GALNT11: variants seen among roughly 807,000 people sequenced by gnomAD.
GALNT11 encodes the protein UDP-GalNAc:polypeptide N-acetylgalactosaminyltransferase 11.
Under a neutral mutation model 72.7 loss-of-function variants are expected in GALNT11, and 47 were observed. The ratio of observed to expected loss-of-function variants is 0.65; its 90% CI spans 0.51 to 0.82. The LOEUF (loss-of-function observed/expected upper bound fraction) is 0.82, where lower values mean the gene tolerates loss of function less well. GALNT11 is among the 40% of genes least tolerant of loss of function. The probability of loss-of-function intolerance (pLI) is 0.00; values close to 1 mark genes in which losing one functional copy is unlikely to be tolerated. For synonymous variants in GALNT11, 270 were observed against 286.6 expected (o/e 0.94, Z 0.58); for missense variants, 677 against 778.4 (o/e 0.87, Z 1.55).
chr7:152,121,861 CTGAGTGTCCACGGGTGAAGAAG>C lies in GALNT11; in HGVS notation c.*212_*233del, dbSNP rs539239818. The C allele has an allele frequency of 1.4e-3, 884 of 637,234 alleles. 1 individual carries two copies. The highest frequency in any genetic ancestry group is 3.9e-3 in the African/African-American group (210 of 54,390). 39.5% of individuals were successfully genotyped at this position (637,234 alleles called of 1,614,324 possible). ...CACGTGTCTGACAGAGACGGGAGCT[CTGAGTGTCCACGGGTGAAGAAG>C]TGAGTGTCCACGGGTGAAGAAGTGA... On this transcript the variant is annotated 3_prime_UTR_variant, in exon 12 of 12. Coordinates refer to ENST00000430044, the MANE Select transcript of GALNT11 (RefSeq NM_022087.4).
intron 9 of GALNT11, 42 bp downstream of exon 9, chr7:152,117,417 T>C (rs2088974570): frequency 6.2e-7 from 1 of 1,600,060 alleles, no homozygotes; most frequent in African/African-American, 1.3e-5. Flanking sequence ...GAAAAGCGTT[T>C]GATATGAAAA....
At chr7:152,121,495 C>T in intron 11 of GALNT11, 51 bp from the exon 12 acceptor site, 1 of 1,579,846 alleles carries the variant, frequency 6.3e-7, no homozygotes, top group Non-Finnish European at 8.6e-7. Flanking sequence ...TCTGGATTTC[C>T]ATGTTTTGCC....
chr7:152,105,662 T>C (rs1587401145), intron 5 of GALNT11, among the ~76,000 whole-genome samples: 2 of 152,228 alleles, frequency 1.3e-5, no homozygotes, highest in South Asian at 4.1e-4. Context: ...TATTCACTTA[T>C]ATAAGCAGAA....
chr7:152,058,827 A>G (rs747366384), intron 1 of GALNT11, among the ~76,000 whole-genome samples: 20 of 152,146 alleles, frequency 1.3e-4, no homozygotes, highest in Admixed American at 2.6e-4. Flanking sequence ...TATCGTTTCA[A>G]CAGTGTTCAC....
intron 1 of GALNT11, among the ~76,000 whole-genome samples, chr7:152,035,890 G>A (rs1362235636): frequency 6.6e-6 from 1 of 152,174 alleles, no homozygotes; most frequent in African/African-American, 2.4e-5. Context: ...AGCAGGAATT[G>A]TCCCAGTCTG....
chr7:152,073,956 T>C (rs1178741601), intron 1 of GALNT11, among the ~76,000 whole-genome samples: 1 of 150,670 alleles, frequency 6.6e-6, no homozygotes, highest in Non-Finnish European at 1.5e-5. Context: ...TTTTGAGAGA[T>C]GGCTATTCAG....
chr7:152,057,137 T>C (rs941944288), intron 1 of GALNT11, among the ~76,000 whole-genome samples: 3 of 151,358 alleles, frequency 2.0e-5, no homozygotes, highest in Non-Finnish European at 2.9e-5. Context: ...ATTACAGGCA[T>C]GAGCCACTGC....
rs745821568 is a variant in GALNT11, at chr7:152,108,191, T to TCGTCCGCGG, written c.867_875dup (p.Val290_Gly292dup). ...ACGCTGGCCTACAGCTCGTCCCCTG[T>TCGTCCGCGG]CGTCCGCGGAGGGTTCAACTGGGGA... On this transcript the variant is annotated inframe_insertion, in exon 6 of 12. Transcript: ENST00000430044. 6.2e-7 allele frequency: 1 copy of TCGTCCGCGG among 1,614,142 alleles called. No homozygotes were observed. The highest frequency in any genetic ancestry group is 1.3e-5 in the African/African-American group (1 of 75,034).
At chr7:152,041,248 A>T (rs1019718665) in intron 1 of GALNT11, among the ~76,000 whole-genome samples, 3 of 152,326 alleles carry the variant, frequency 2.0e-5, no homozygotes, top group African/African-American at 2.4e-5. Context: ...ACTTTTTATT[A>T]TCGGGTCTCT....
rs1006721745 is a variant in GALNT11, at chr7:152,068,816, AT to A, written c.-38-25367del. Among the ~76,000 whole-genome samples the A allele has an allele frequency of 5.3e-5, 8 of 150,876 alleles. No individual in the cohort carries two copies. The South Asian group carries it at 1.1e-3, about 20-fold the overall frequency. ...TGATTTCTATTTTAATTTTTATTGT[AT>A]TTTTTTCTTTTGATTGCCTTAGGCT... On this transcript the variant is annotated intron_variant, in intron 1 of 11. Transcript: ENST00000430044.
At chr7:152,099,535 T>G (rs1285643706) in intron 2 of GALNT11, among the ~76,000 whole-genome samples, 3 of 126,332 alleles carry the variant, frequency 2.4e-5, no homozygotes, top group African/African-American at 6.5e-5. Context: ...GCCTAGTTTT[T>G]TTTTTTTTTT....
At chr7:152,108,492 C>A (rs2087827718) in intron 6 of GALNT11, among the ~76,000 whole-genome samples, 1 of 152,158 alleles carries the variant, frequency 6.6e-6, no homozygotes, top group African/African-American at 2.4e-5. Flanking sequence ...GTATGTGTGC[C>A]CTCAAGGACT....
intron 1 of GALNT11, chr7:152,027,676 C>T (rs1325405820): frequency 2.0e-5 from 3 of 153,766 alleles, no homozygotes; most frequent in South Asian, 2.0e-4. Context: ...CCAGTGGATT[C>T]TTGGTCTCGC....
intron 5 of GALNT11, chr7:152,107,623 T>G (rs892374357): frequency 7.9e-5 from 13 of 165,282 alleles, no homozygotes; most frequent in Admixed American, 3.9e-4. Context: ...CTTCAAAATA[T>G]TTTGATTAAA....
At chr7:152,030,083 C>T (rs2082233248) in intron 1 of GALNT11, among the ~76,000 whole-genome samples, 1 of 152,134 alleles carries the variant, frequency 6.6e-6, no homozygotes, top group South Asian at 2.1e-4. Flanking sequence ...TGGGTTTTTT[C>T]CCCGTGTGCG....
chr7:152,039,538 G>A (rs1223263247), intron 1 of GALNT11, among the ~76,000 whole-genome samples: 1 of 152,092 alleles, frequency 6.6e-6, no homozygotes, highest in East Asian at 1.9e-4. Flanking sequence ...CTTTCCTCAG[G>A]TTTTCTTCCG....
chr7:152,034,529 C>T (rs1326243107), intron 1 of GALNT11, among the ~76,000 whole-genome samples: 2 of 152,170 alleles, frequency 1.3e-5, no homozygotes, highest in Admixed American at 6.5e-5. Context: ...GCTTAGGATG[C>T]ATTTCAAGGG....
At chr7:152,097,839 A>G (rs1014416962) in intron 2 of GALNT11, among the ~76,000 whole-genome samples, 2 of 152,178 alleles carry the variant, frequency 1.3e-5, no homozygotes, top group Non-Finnish European at 2.9e-5. Flanking sequence ...GTTCCCAGGG[A>G]CTGGGGAATG....
intron 1 of GALNT11, among the ~76,000 whole-genome samples, chr7:152,084,562 A>T (rs2085525375): frequency 6.6e-6 from 1 of 152,106 alleles, no homozygotes; most frequent in South Asian, 2.1e-4. Context: ...TTTCATAATG[A>T]AACCGTCTAA....
Sources: gnomAD v4.1 joint callset for allele counts (sites outside exome capture counted in the v4.1 genomes callset) on GRCh38, gnomAD v4.1.1 for gene constraint, MANE v1.5 for transcripts, NCBI Gene and HGNC (gene_info 2026-07-23, HGNC 2026-07-21) for gene names.